SAMD3: variants seen among roughly 807,000 people sequenced by gnomAD.
SAMD3 encodes sterile alpha motif domain containing 3.
SAMD3 carries 63 observed loss-of-function variants against 58.5 expected under a neutral mutation model. The ratio of observed to expected loss-of-function variants is 1.08; its 90% CI spans 0.88 to 1.33. The LOEUF (loss-of-function observed/expected upper bound fraction) is 1.33, where lower values mean the gene tolerates loss of function less well. SAMD3 is among the 40% of genes most tolerant of loss of function. The pLI, the probability that SAMD3 is intolerant of heterozygous loss-of-function variation, is 0.00. For synonymous variants in SAMD3, 220 were observed against 210.3 expected (o/e 1.05, Z -0.40); for missense variants, 604 against 608.4 (o/e 0.99, Z 0.08).
intron 1 of SAMD3, among the ~76,000 whole-genome samples, chr6:130,217,684 AC>A (rs1308077648): frequency 6.6e-6 from 1 of 152,230 alleles, no homozygotes; most frequent in Non-Finnish European, 1.5e-5. Flanking sequence ...AACATATAAA[AC>A]ATCATATAAA....
chr6:130,262,572 T>G (rs182264970), intron 2 of SAMD3, among the ~76,000 whole-genome samples: 57 of 145,184 alleles, frequency 3.9e-4, no homozygotes, highest in African/African-American at 1.3e-3. Flanking sequence ...GGATGGTTCC[T>G]CCCAGGTAAT....
chr6:130,253,495 T>C (rs1282705374), intron 2 of SAMD3, among the ~76,000 whole-genome samples: 1 of 152,186 alleles, frequency 6.6e-6, no homozygotes, highest in Non-Finnish European at 1.5e-5. Context: ...TTAAAAATCA[T>C]TAACAATGTG....
intron 5 of SAMD3, among the ~76,000 whole-genome samples, chr6:130,199,932 C>T (rs748109705): frequency 1.3e-4 from 20 of 152,148 alleles, no homozygotes; most frequent in Admixed American, 2.6e-4. Flanking sequence ...GTCTGAAATG[C>T]ATGTGTGAAC....
chr6:130,349,648 G>A (rs1451536944), intron 1 of SAMD3, among the ~76,000 whole-genome samples: 3 of 152,156 alleles, frequency 2.0e-5, no homozygotes, highest in East Asian at 1.9e-4. Flanking sequence ...GGTACAAGGA[G>A]GAGCTGGTAC....
chr6:130,214,949 T>C (rs1402803352), intron 3 of SAMD3, among the ~76,000 whole-genome samples: 1 of 152,208 alleles, frequency 6.6e-6, no homozygotes, highest in Non-Finnish European at 1.5e-5. Context: ...CAAATATGTA[T>C]TTTAAGTGAC....
chr6:130,276,210 C>T (rs910009502), intron 2 of SAMD3, among the ~76,000 whole-genome samples: 15 of 152,098 alleles, frequency 9.9e-5, no homozygotes, highest in African/African-American at 3.1e-4. Context: ...AGATTCTCCC[C>T]TAGAATCTAC....
chr6:130,351,217 T>C (rs920825291), intron 1 of SAMD3, among the ~76,000 whole-genome samples: 1 of 152,038 alleles, frequency 6.6e-6, no homozygotes, highest in African/African-American at 2.4e-5. Flanking sequence ...AAAGCCAAAA[T>C]TAACAAATGG....
At chr6:130,322,928 C>A (rs895186732) in intron 1 of SAMD3, among the ~76,000 whole-genome samples, 1 of 152,092 alleles carries the variant, frequency 6.6e-6, no homozygotes, top group African/African-American at 2.4e-5. Context: ...GACTCTCAAG[C>A]CACTAGTTTG....
intron 1 of SAMD3, among the ~76,000 whole-genome samples, chr6:130,358,094 T>C (rs755168201): frequency 6.6e-6 from 1 of 152,212 alleles, no homozygotes; most frequent in African/African-American, 2.4e-5. Flanking sequence ...TAATCAAATA[T>C]CCTTTGGCAG....
chr6:130,256,543 C>T (rs181071772), intron 2 of SAMD3, among the ~76,000 whole-genome samples: 2 of 152,062 alleles, frequency 1.3e-5, no homozygotes, highest in Admixed American at 6.5e-5. Flanking sequence ...TTTTCTTTTG[C>T]TCAGAGGTCT....
intron 2 of SAMD3, among the ~76,000 whole-genome samples, chr6:130,265,153 C>T (rs1413557880): frequency 6.6e-6 from 1 of 152,202 alleles, no homozygotes; most frequent in Non-Finnish European, 1.5e-5. Context: ...CCCCGCATAA[C>T]CATTGAAGTT....
At chr6:130,223,778 A>T (rs1389478890), upstream of SAMD3, among the ~76,000 whole-genome samples, 1 of 152,130 alleles carries the variant, frequency 6.6e-6, no homozygotes, top group Non-Finnish European at 1.5e-5. Context: ...ATGGGCTCCT[A>T]CCCCATGGCA....
At chr6:130,336,053 T>C (rs562146620) in intron 1 of SAMD3, among the ~76,000 whole-genome samples, 1 of 152,122 alleles carries the variant, frequency 6.6e-6, no homozygotes, top group Admixed American at 6.5e-5. Flanking sequence ...TTAGGAGATA[T>C]ACCTAAAGCT....
chr6:130,324,168 G>A (rs1453289835), intron 1 of SAMD3, among the ~76,000 whole-genome samples: 1 of 152,078 alleles, frequency 6.6e-6, no homozygotes, highest in Non-Finnish European at 1.5e-5. Context: ...AGTTTAGAAA[G>A]TTTAGTTTGG....
intron 2 of SAMD3, among the ~76,000 whole-genome samples, chr6:130,228,367 C>A (rs892357031): frequency 6.6e-6 from 1 of 152,060 alleles, no homozygotes; most frequent in Non-Finnish European, 1.5e-5. Flanking sequence ...TTTCTGCATG[C>A]CATGATGAAC....
chr6:130,144,626 T>G lies in SAMD3; in HGVS notation c.1457A>C (p.Gln486Pro), dbSNP rs762836722. Residue 486 changes from glutamine (Q) to proline (P), a missense_variant, in exon 12 of 12, where the codon CAA becomes CCA. Gln to Pro is a moderately conservative substitution (Grantham distance 76). Transcript: ENST00000439090. ...FRIECPRRLS[Q>P]TFNFLETLIF... ...CAGCGTTTCTAGGAAGTTGAAAGTT[T>G]GGGACAGTCTTCTTGGACACTCAAT... 1.7e-5 allele frequency: 28 copies of G among 1,614,162 alleles called. No individual in the cohort carries two copies. The highest frequency in any genetic ancestry group is 2.4e-5 in the Non-Finnish European group (28 of 1,180,010).
intron 2 of SAMD3, among the ~76,000 whole-genome samples, chr6:130,301,064 G>A (rs1243592525): frequency 1.3e-5 from 2 of 152,100 alleles, no homozygotes; most frequent in Non-Finnish European, 2.9e-5. Flanking sequence ...GTGAGAACAT[G>A]CGGCGTTTGG....
At chr6:130,278,014 C>T (rs1166837561) in intron 2 of SAMD3, among the ~76,000 whole-genome samples, 1 of 152,144 alleles carries the variant, frequency 6.6e-6, no homozygotes, top group Non-Finnish European at 1.5e-5. Context: ...GTTTAGGGGC[C>T]ATGCAGCTGG....
rs35592601 is a variant in SAMD3, at chr6:130,186,767, A to ATTTTT, written c.384-2149_384-2145dup. Among the ~76,000 whole-genome samples, 81 of 107,006 alleles carry ATTTTT rather than the reference A, an allele frequency of 7.6e-4. 3 individuals carry two copies. The highest frequency in any genetic ancestry group is 1.2e-3 in the African/African-American group (33 of 26,488). The allele number at this position is 107,006 out of a possible 152,430, so 70.2% of individuals were successfully genotyped here. A position where few individuals can be genotyped will look rare whatever the true frequency, so the allele number is the denominator to read the frequency against. ...TGGATGTCTTTTGTGCCTTCCTGGGATTTTTTTTTTTTTTTTTTTTTGAGA... is the reference window on the plus strand; with the variant it reads ...TGGATGTCTTTTGTGCCTTCCTGGGATTTTTTTTTTTTTTTTTTTTTTTTTTGAGA... On this transcript the variant is annotated intron_variant, in intron 5 of 11. Coordinates refer to ENST00000439090, the MANE Select transcript of SAMD3 (RefSeq NM_001017373.4).
Sources: allele counts gnomAD v4.1 joint callset (sites outside exome capture counted in the v4.1 genomes callset), GRCh38; gene constraint gnomAD v4.1.1; transcripts MANE v1.5; gene names NCBI Gene and HGNC (gene_info 2026-07-23, HGNC 2026-07-21).